The following PTK2 variants were observed in gnomAD, a reference collection of about 807,000 sequenced individuals.
The protein encoded by PTK2 is focal adhesion kinase 1.
In PTK2, 45 loss-of-function variants were observed where a neutral mutation model predicts 150.1. The observed-to-expected ratio is 0.30, with a 90% confidence interval of 0.24 to 0.38. PTK2 has a LOEUF of 0.38. PTK2 is among the 10% of genes least tolerant of loss of function. PTK2 has a pLI of 1.00. For missense variants in PTK2, 919 were observed against 1,307.3 expected (o/e 0.70, Z 4.58); for synonymous variants, 432 against 449.2 (o/e 0.96, Z 0.48).
At chr8:140,758,884 G>A (rs570288172) in intron 16 of PTK2, among the ~76,000 whole-genome samples, 22 of 152,160 alleles carry the variant, frequency 1.4e-4, no homozygotes, top group South Asian at 4.1e-4. Context: ...TGAGTGTACC[G>A]TTATTTTATA....
At chr8:140,903,502 G>A (rs908476121) in intron 2 of PTK2, among the ~76,000 whole-genome samples, 29 of 152,078 alleles carry the variant, frequency 1.9e-4, no homozygotes, top group Admixed American at 4.6e-4. Context: ...TTTTGGTTCC[G>A]TATGAAATTT....
intron 14 of PTK2, among the ~76,000 whole-genome samples, chr8:140,779,533 A>T (rs1264786130): frequency 6.6e-6 from 1 of 152,166 alleles, no homozygotes; most frequent in Non-Finnish European, 1.5e-5. Flanking sequence ...AGGGTTACAG[A>T]GGCACCAAGG....
intron 5 of PTK2, among the ~76,000 whole-genome samples, chr8:140,860,014 G>C (rs1012142755): frequency 1.3e-5 from 2 of 152,142 alleles, no homozygotes; most frequent in African/African-American, 4.8e-5. Flanking sequence ...TTTCTTGCCA[G>C]ATCAGGCTAA....
At chr8:140,733,499 A>G (rs2100050762) in intron 22 of PTK2, among the ~76,000 whole-genome samples, 1 of 152,214 alleles carries the variant, frequency 6.6e-6, no homozygotes, top group Non-Finnish European at 1.5e-5. Context: ...TGAGGTAGAA[A>G]GAGATGCCAG....
intron 16 of PTK2, among the ~76,000 whole-genome samples, chr8:140,752,519 T>A (rs575296232): frequency 2.0e-5 from 3 of 152,204 alleles, no homozygotes; most frequent in Non-Finnish European, 4.4e-5. Flanking sequence ...CGTGAAACAT[T>A]ACAGCAAATC....
chr8:140,832,838 C>T (rs2100116295), intron 7 of PTK2: 5 of 518,746 alleles, frequency 9.6e-6, no homozygotes, highest in Admixed American at 5.8e-5. Context: ...TACGTGCACG[C>T]CCTTCTAGTA....
intron 2 of PTK2, among the ~76,000 whole-genome samples, chr8:140,914,641 T>C (rs1273357292): frequency 6.6e-6 from 1 of 152,134 alleles, no homozygotes; most frequent in Non-Finnish European, 1.5e-5. Flanking sequence ...AGTGTTTTTT[T>C]AATTTCCACA....
intron 28 of PTK2, 90 bp downstream of exon 31, chr8:140,675,370 G>T (rs2100013044): frequency 1.0e-5 from 14 of 1,370,482 alleles, no homozygotes; most frequent in Non-Finnish European, 1.2e-5. Context: ...AACCATGAGG[G>T]TATTCCAAAG....
intron 17 of PTK2, among the ~76,000 whole-genome samples, chr8:140,749,857 G>A (rs1322789852): frequency 6.6e-6 from 1 of 152,116 alleles, no homozygotes; most frequent in Non-Finnish European, 1.5e-5. Context: ...AGTCCGACTT[G>A]ACTACTCCTA....
chr8:140,698,845 C>G (rs2100028441), intron 26 of PTK2, among the ~76,000 whole-genome samples: 1 of 151,994 alleles, frequency 6.6e-6, no homozygotes, highest in Non-Finnish European at 1.5e-5. Flanking sequence ...GAACTTCTGA[C>G]CTCAAGTGAT....
At chr8:140,668,508 A>G (rs2093722331) in intron 29 of PTK2, 84 bp from the exon 34 acceptor site, 1 of 1,437,748 alleles carries the variant, frequency 7.0e-7, no homozygotes, top group Non-Finnish European at 9.4e-7. Context: ...GGGTCTTTAC[A>G]AGAGATCAAA....
At chr8:140,780,258 G>A (rs2100080910) in intron 14 of PTK2, among the ~76,000 whole-genome samples, 1 of 152,124 alleles carries the variant, frequency 6.6e-6, no homozygotes, top group Non-Finnish European at 1.5e-5. Flanking sequence ...AATGTCAACA[G>A]CTGCTAAAAC....
intron 26 of PTK2, among the ~76,000 whole-genome samples, chr8:140,695,669 T>G (rs1431620349): frequency 6.6e-6 from 1 of 152,192 alleles, no homozygotes; most frequent in Non-Finnish European, 1.5e-5. Context: ...CCCAAAGTAC[T>G]GGGATTACAG....
chr8:140,917,617 C>T (rs1378456490), intron 2 of PTK2, among the ~76,000 whole-genome samples: 1 of 152,134 alleles, frequency 6.6e-6, no homozygotes, highest in Non-Finnish European at 1.5e-5. Flanking sequence ...CTACAAAACA[C>T]TGTATTAATC....
intron 22 of PTK2, chr8:140,734,553 AT>A (rs1259384993): frequency 8.5e-6 from 3 of 351,510 alleles, no homozygotes; most frequent in Non-Finnish European, 1.7e-5. Context: ...AGGGTAGAGT[AT>A]GCACATGCTT....
chr8:140,958,308 T>TA (rs1247214973), intron 1 of PTK2, among the ~76,000 whole-genome samples: 35 of 151,992 alleles, frequency 2.3e-4, no homozygotes, highest in Non-Finnish European at 4.7e-4. Context: ...CCAGCTAATT[T>TA]CTTTTTTTTA....
chr8:140,663,098 G>T (rs2083182191), intron 31 of PTK2: 1 of 222,580 alleles, frequency 4.5e-6, no homozygotes, highest in African/African-American at 2.3e-5. Flanking sequence ...TAAAGTTCCA[G>T]AATGTGGTGA....
chr8:140,723,173 A>C (rs934534977), intron 22 of PTK2, among the ~76,000 whole-genome samples: 4 of 152,192 alleles, frequency 2.6e-5, no homozygotes, highest in African/African-American at 9.6e-5. Flanking sequence ...ACATATTGCC[A>C]TGTTGTGGAA....
chr8:140,994,997 T>C (rs2100197074), intron 1 of PTK2, among the ~76,000 whole-genome samples: 1 of 150,298 alleles, frequency 6.7e-6, no homozygotes, highest in Admixed American at 6.7e-5. Flanking sequence ...GTCAGGAGAA[T>C]CGCCTGAACT....
Sources: allele counts gnomAD v4.1 joint callset (sites outside exome capture counted in the v4.1 genomes callset), GRCh38; gene constraint gnomAD v4.1.1; transcripts MANE v1.5; gene names NCBI Gene and HGNC (gene_info 2026-07-23, HGNC 2026-07-21).